SLC35F3: variants seen among roughly 807,000 people sequenced by gnomAD.
SLC35F3 encodes the protein solute carrier family 35 member F3.
In SLC35F3, 25 loss-of-function variants were observed where a neutral mutation model predicts 49.9. The ratio of observed to expected loss-of-function variants is 0.50; its 90% CI spans 0.37 to 0.70. The LOEUF (loss-of-function observed/expected upper bound fraction) is 0.70, where lower values mean the gene tolerates loss of function less well. SLC35F3 is among the 30% of genes least tolerant of loss of function. The pLI is 0.00. For missense variants in SLC35F3, 525 were observed against 639.8 expected (o/e 0.82, Z 1.94); for synonymous variants, 275 against 265.4 (o/e 1.04, Z -0.35).
rs192109206 is a variant in SLC35F3, at chr1:233,928,720, T to C, written c.283+22962T>C. Among the ~76,000 whole-genome samples the C allele has an allele frequency of 2.0e-5, 3 of 152,312 alleles. No homozygotes were observed. The East Asian group carries it at 5.8e-4, about 29-fold the overall frequency. ...GTCTTGACTTACAAAAGGAATCTTATGAAAGGGGTTCATTATAGGGCCCTT... is the reference window on the plus strand; with the variant it reads ...GTCTTGACTTACAAAAGGAATCTTACGAAAGGGGTTCATTATAGGGCCCTT... On this transcript the variant is annotated intron_variant, in intron 2 of 7. Coordinates refer to ENST00000366618, the MANE Select transcript of SLC35F3 (RefSeq NM_173508.4).
chr1:233,975,724 G>A (rs1020935827), intron 2 of SLC35F3, among the ~76,000 whole-genome samples: 1 of 152,172 alleles, frequency 6.6e-6, no homozygotes, highest in South Asian at 2.1e-4. Context: ...GGCGACATGC[G>A]TCGGCCAGCA....
chr1:234,087,196 A>C (rs1423305005), intron 2 of SLC35F3, among the ~76,000 whole-genome samples: 1 of 152,210 alleles, frequency 6.6e-6, no homozygotes, highest in African/African-American at 2.4e-5. Flanking sequence ...GGATGGGGAA[A>C]GGGATTCCTC....
intron 2 of SLC35F3, among the ~76,000 whole-genome samples, chr1:233,988,205 G>T (rs761192854): frequency 9.9e-5 from 15 of 152,144 alleles, no homozygotes; most frequent in Non-Finnish European, 1.6e-4. Flanking sequence ...TTCATTAAAA[G>T]ACTCCAAAAT....
Position 234,323,561 on chromosome 1 carries a change from G to A in SLC35F3, c.*318G>A. On this transcript the variant is annotated 3_prime_UTR_variant, in exon 8 of 8. Coordinates refer to ENST00000366618, the MANE Select transcript of SLC35F3 (RefSeq NM_173508.4). This position sits in a 1 kb window ranked among gnomAD's most constrained non-coding sequence, Gnocchi z 4.5. ...AGCCAGCCATCAGGGCAAGTGTTTT[G>A]AATCTTAGCAAGTGTTTTGAATCTT... 1 of 372,296 alleles carries A rather than the reference G, an allele frequency of 2.7e-6. No homozygotes were observed. Among genetic ancestry groups the A allele is most frequent in the Non-Finnish European group, 4.9e-6 (1 of 203,726 alleles). The allele number at this position is 372,296 out of a possible 1,614,324, so 23.1% of individuals were successfully genotyped here. A position where few individuals can be genotyped will look rare whatever the true frequency, so the allele number is the denominator to read the frequency against.
At chr1:234,143,513 T>C (rs1431665094) in intron 2 of SLC35F3, among the ~76,000 whole-genome samples, 1 of 152,066 alleles carries the variant, frequency 6.6e-6, no homozygotes. Flanking sequence ...TGGTCTGAAC[T>C]CCTGACCTCA....
At chr1:233,939,579 A>C (rs1662388581) in intron 2 of SLC35F3, among the ~76,000 whole-genome samples, 1 of 152,152 alleles carries the variant, frequency 6.6e-6, no homozygotes, top group Non-Finnish European at 1.5e-5. Context: ...AAGAGGCTAA[A>C]TCTCAGCTTA....
At chr1:234,043,841 A>G (rs894750572) in intron 2 of SLC35F3, among the ~76,000 whole-genome samples, 3 of 152,228 alleles carry the variant, frequency 2.0e-5, no homozygotes, top group Non-Finnish European at 2.9e-5. Context: ...TTTTATATTT[A>G]TAAACTTCCA....
chr1:234,084,560 T>C (rs1664932963), intron 2 of SLC35F3, among the ~76,000 whole-genome samples: 1 of 152,230 alleles, frequency 6.6e-6, no homozygotes, highest in African/African-American at 2.4e-5. Context: ...AGTAATTATG[T>C]GCTATAAACA....
chr1:234,059,662 ACATAGACATAG>A (rs1342266723), intron 2 of SLC35F3, among the ~76,000 whole-genome samples: 1 of 151,418 alleles, frequency 6.6e-6, no homozygotes, highest in African/African-American at 2.4e-5. Flanking sequence ...ATAGACATAG[ACATAGACATAG>A]ACATAGACAG....
intron 2 of SLC35F3, among the ~76,000 whole-genome samples, chr1:233,945,917 A>G (rs1431814572): frequency 6.6e-6 from 1 of 152,244 alleles, no homozygotes; most frequent in East Asian, 1.9e-4. Context: ...ACAGACTAAT[A>G]CAGATACATT....
chr1:233,923,666 C>T (rs1249145947), intron 2 of SLC35F3, among the ~76,000 whole-genome samples: 3 of 152,250 alleles, frequency 2.0e-5, no homozygotes, highest in East Asian at 3.9e-4. Flanking sequence ...TTGCCCTGGC[C>T]AGAACTTCCA....
intron 2 of SLC35F3, among the ~76,000 whole-genome samples, chr1:234,037,793 A>G (rs1664165371): frequency 6.6e-6 from 1 of 152,204 alleles, no homozygotes; most frequent in African/African-American, 2.4e-5. Flanking sequence ...CTTCAGGTGC[A>G]GAAGTCCTGA....
chr1:234,172,319 C>T (rs987812197), intron 2 of SLC35F3, among the ~76,000 whole-genome samples: 1 of 152,302 alleles, frequency 6.6e-6, no homozygotes, highest in Non-Finnish European at 1.5e-5. Flanking sequence ...CTGCAACCTC[C>T]ACCTCCCAGG....
chr1:234,052,572 T>A (rs1483839336), intron 2 of SLC35F3, among the ~76,000 whole-genome samples: 2 of 152,180 alleles, frequency 1.3e-5, no homozygotes, highest in Admixed American at 6.5e-5. Flanking sequence ...ATTTTGTTGA[T>A]CTTTTCAAAA....
chr1:234,247,030 G>T (rs1449519825), intron 3 of SLC35F3, among the ~76,000 whole-genome samples: 1 of 152,222 alleles, frequency 6.6e-6, no homozygotes, highest in African/African-American at 2.4e-5. Flanking sequence ...TCAAGACCCA[G>T]TTACCAGTTC....
At chr1:233,941,229 C>G (rs1662415444) in intron 2 of SLC35F3, among the ~76,000 whole-genome samples, 1 of 152,142 alleles carries the variant, frequency 6.6e-6, no homozygotes, top group Non-Finnish European at 1.5e-5. Flanking sequence ...ACTGGTATTT[C>G]AGTTACTTTT....
chr1:234,307,469 G>A (rs1657226883), intron 3 of SLC35F3, among the ~76,000 whole-genome samples: 1 of 152,136 alleles, frequency 6.6e-6, no homozygotes, highest in Non-Finnish European at 1.5e-5. Flanking sequence ...GTTGAGTCAT[G>A]AACAAAGACA....
chr1:233,948,720 AC>A (rs1446171190), intron 2 of SLC35F3, among the ~76,000 whole-genome samples: 2 of 74,010 alleles, frequency 2.7e-5, no homozygotes, highest in Non-Finnish European at 5.5e-5. Context: ...CCCTCCCCCG[AC>A]CCCACAACAG....
intron 2 of SLC35F3, among the ~76,000 whole-genome samples, chr1:234,169,758 C>CTGTTTTGTTT (rs112663821): frequency 2.0e-5 from 3 of 151,990 alleles, no homozygotes; most frequent in Admixed American, 6.6e-5. Flanking sequence ...AGGGGAACAT[C>CTGTTTTGTTT]TGTTTTGTTT....
Sources: gnomAD v4.1 joint callset for allele counts (sites outside exome capture counted in the v4.1 genomes callset) on GRCh38, gnomAD v4.1.1 for gene constraint, Gnocchi (gnomAD v3.1) non-coding constraint, MANE v1.5 for transcripts, NCBI Gene and HGNC (gene_info 2026-07-23, HGNC 2026-07-21) for gene names.